XPR1: variants seen among roughly 807,000 people sequenced by gnomAD.
XPR1 encodes the protein xenotropic and polytropic retrovirus receptor 1.
A neutral mutation model predicts 87.5 loss-of-function variants in XPR1; 28 were observed. The ratio of observed to expected loss-of-function variants is 0.32; its 90% CI spans 0.24 to 0.44. The LOEUF is 0.44. XPR1 is among the 20% of genes least tolerant of loss of function. The probability of loss-of-function intolerance (pLI) is 1.00; values close to 1 mark genes in which losing one functional copy is unlikely to be tolerated. For synonymous variants in XPR1, 300 were observed against 306.1 expected (o/e 0.98, Z 0.21); for missense variants, 559 against 862.3 (o/e 0.65, Z 4.41).
At position 180,834,984 on chromosome 1, in the gene XPR1, C is replaced by T. The variant is rs950304355; in HGVS notation, c.1245C>T (p.Cys415=). Residue 415 remains cysteine, a synonymous_variant, in exon 10 of 15, where the codon TGC becomes TGT. Coordinates refer to ENST00000367590, the MANE Select transcript of XPR1 (RefSeq NM_004736.4). The part of the protein sequence containing the change: ...VILMDLEYMI[C]FYSLELKWDE... Reference sequence around the variant, plus strand: ...TGATGGACCTGGAATATATGATCTGCTTCTACAGTTTGGAGCTCAAATGGG... The same window carrying T: ...TGATGGACCTGGAATATATGATCTGTTTCTACAGTTTGGAGCTCAAATGGG... 5 of 1,613,920 alleles carry T rather than the reference C, an allele frequency of 3.1e-6. No homozygotes were observed. In the East Asian group the frequency reaches 8.9e-5, roughly 29 times the overall value.
intron 3 of XPR1, among the ~76,000 whole-genome samples, chr1:180,798,259 A>G (rs886070547): frequency 6.6e-6 from 1 of 152,122 alleles, no homozygotes; most frequent in African/African-American, 2.4e-5. Context: ...TTTTTAAAGG[A>G]CCAATTAGAT....
chr1:180,753,508 C>T (rs1047611218), intron 2 of XPR1, among the ~76,000 whole-genome samples: 44 of 150,942 alleles, frequency 2.9e-4, no homozygotes, highest in Middle Eastern at 3.4e-3. Flanking sequence ...AAGCTGAGAT[C>T]GTGCCACTGT....
At chr1:180,716,085 A>T (rs1333750579) in intron 2 of XPR1, among the ~76,000 whole-genome samples, 2 of 152,020 alleles carry the variant, frequency 1.3e-5, no homozygotes, top group Non-Finnish European at 2.9e-5. Flanking sequence ...TAATAGATAG[A>T]TCCATGTATC....
At chr1:180,844,927 C>T (rs561879035) in intron 11 of XPR1, among the ~76,000 whole-genome samples, 1 of 152,268 alleles carries the variant, frequency 6.6e-6, no homozygotes, top group Non-Finnish European at 1.5e-5. Context: ...CCAAACCCTA[C>T]ATTAATGGGG....
intron 1 of XPR1, among the ~76,000 whole-genome samples, chr1:180,644,343 C>T (rs996500486): frequency 1.9e-4 from 29 of 151,478 alleles, no homozygotes; most frequent in Middle Eastern, 3.2e-3. Flanking sequence ...TATGTGCTGC[C>T]GTTGTTTTGA....
intron 1 of XPR1, among the ~76,000 whole-genome samples, chr1:180,663,832 C>T (rs957406285): frequency 2.6e-5 from 4 of 152,134 alleles, no homozygotes; most frequent in Non-Finnish European, 2.9e-5. Flanking sequence ...TTTTCTACCT[C>T]GGCTGAGCAG....
intron 1 of XPR1, among the ~76,000 whole-genome samples, chr1:180,647,628 G>A (rs1038660987): frequency 1.3e-4 from 20 of 152,174 alleles, no homozygotes; most frequent in Non-Finnish European, 1.6e-4. Context: ...GCTGGGCATC[G>A]TGGCTCACAC....
intron 2 of XPR1, among the ~76,000 whole-genome samples, chr1:180,698,872 T>C (rs537446400): frequency 1.3e-5 from 2 of 152,312 alleles, no homozygotes; most frequent in South Asian, 4.1e-4. Context: ...GTGAGAAATC[T>C]GCTGTTAGTC....
intron 2 of XPR1, among the ~76,000 whole-genome samples, chr1:180,722,563 T>G (rs1658210573): frequency 6.6e-6 from 1 of 152,210 alleles, no homozygotes; most frequent in South Asian, 2.1e-4. Flanking sequence ...ATAATGAAAC[T>G]TAGTTGAATA....
At chr1:180,758,208 T>G (rs1647837307) in intron 2 of XPR1, among the ~76,000 whole-genome samples, 1 of 151,830 alleles carries the variant, frequency 6.6e-6, no homozygotes, top group South Asian at 2.1e-4. Context: ...TGGATGGACC[T>G]GCAGGCCATT....
chr1:180,645,347 A>G (rs981195374), intron 1 of XPR1, among the ~76,000 whole-genome samples: 3 of 152,224 alleles, frequency 2.0e-5, no homozygotes, highest in Admixed American at 1.3e-4. Context: ...CTCTTTCAAA[A>G]TCTCTGCTAA....
At chr1:180,673,757 T>C (rs1262177718) in intron 1 of XPR1, among the ~76,000 whole-genome samples, 1 of 152,204 alleles carries the variant, frequency 6.6e-6, no homozygotes, top group African/African-American at 2.4e-5. Context: ...CCCTGGTCTT[T>C]GGAATAATTG....
intron 3 of XPR1, among the ~76,000 whole-genome samples, chr1:180,793,289 C>T (rs1471519154): frequency 1.3e-5 from 2 of 151,854 alleles, no homozygotes; most frequent in Non-Finnish European, 2.9e-5. Flanking sequence ...CAATGTCTTG[C>T]TGTATGTTTT....
chr1:180,685,758 T>C (rs1487646056), intron 2 of XPR1, among the ~76,000 whole-genome samples: 2 of 152,240 alleles, frequency 1.3e-5, no homozygotes, highest in African/African-American at 4.8e-5. Context: ...CTTCTAGATT[T>C]TCTAGTTTAT....
chr1:180,746,972 C>T (rs1452307049), intron 2 of XPR1, among the ~76,000 whole-genome samples: 1 of 152,088 alleles, frequency 6.6e-6, no homozygotes, highest in African/African-American at 2.4e-5. Flanking sequence ...TTAAAATCCT[C>T]TTTGTGATTT....
chr1:180,882,038 C>T (rs1298524710), intron 14 of XPR1, among the ~76,000 whole-genome samples: 2 of 152,132 alleles, frequency 1.3e-5, no homozygotes, highest in Non-Finnish European at 2.9e-5. Context: ...GAAGAAAATG[C>T]TAAGTGTGAT....
intron 1 of XPR1, among the ~76,000 whole-genome samples, chr1:180,673,044 A>G (rs1326707679): frequency 3.3e-5 from 5 of 152,210 alleles, no homozygotes; most frequent in Non-Finnish European, 5.9e-5. Flanking sequence ...ACATAACAGT[A>G]GACATTTTGT....
intron 7 of XPR1, among the ~76,000 whole-genome samples, chr1:180,822,288 A>G (rs1274062366): frequency 1.3e-5 from 2 of 152,142 alleles, no homozygotes; most frequent in Non-Finnish European, 2.9e-5. Flanking sequence ...TCCTAGAGCA[A>G]TCTATCTTAA....
At chr1:180,865,666 T>A (rs1652366110) in intron 12 of XPR1, among the ~76,000 whole-genome samples, 1 of 152,210 alleles carries the variant, frequency 6.6e-6, no homozygotes, top group Non-Finnish European at 1.5e-5. Flanking sequence ...TCCCAAAACA[T>A]TTGTTTCTTA....
Sources: allele counts gnomAD v4.1 joint callset (sites outside exome capture counted in the v4.1 genomes callset), GRCh38; gene constraint gnomAD v4.1.1; transcripts MANE v1.5; gene names NCBI Gene and HGNC (gene_info 2026-07-23, HGNC 2026-07-21).